The following ZNF423 variants were observed in gnomAD, a reference collection of about 807,000 sequenced individuals.
The protein encoded by ZNF423 is Ebf-associated zinc finger protein.
In ZNF423, 12 loss-of-function variants were observed where a neutral mutation model predicts 95.8. The ratio of observed to expected loss-of-function variants is 0.13; its 90% CI spans 0.08 to 0.20. The LOEUF (loss-of-function observed/expected upper bound fraction) is 0.20. ZNF423 is among the 10% of genes least tolerant of loss of function. ZNF423 has a pLI of 1.00. For synonymous variants in ZNF423, 749 were observed against 711.9 expected (o/e 1.05, Z -0.83); for missense variants, 1,316 against 1,737.1 (o/e 0.76, Z 4.31).
At chr16:49,818,043 G>A (rs989994041) in intron 1 of ZNF423, among the ~76,000 whole-genome samples, 8 of 151,916 alleles carry the variant, frequency 5.3e-5, no homozygotes, top group Non-Finnish European at 1.2e-4. Context: ...ACCACCAAAG[G>A]CCCATCCAGT....
At chr16:49,543,547 G>C (rs967092333) in intron 5 of ZNF423, among the ~76,000 whole-genome samples, 4 of 152,236 alleles carry the variant, frequency 2.6e-5, no homozygotes, top group African/African-American at 9.6e-5. Context: ...TCCAGTGCGG[G>C]CTGGGTCTTA....
At chr16:49,652,572 C>T (rs917007400) in intron 3 of ZNF423, among the ~76,000 whole-genome samples, 2 of 152,172 alleles carry the variant, frequency 1.3e-5, no homozygotes, top group Non-Finnish European at 1.5e-5. Context: ...ATCGCCTGCC[C>T]GCCTCTTCAC....
At chr16:49,681,607 G>A (rs2031359441) in intron 3 of ZNF423, among the ~76,000 whole-genome samples, 1 of 152,186 alleles carries the variant, frequency 6.6e-6, no homozygotes, top group Non-Finnish European at 1.5e-5. Context: ...ACGATATCAG[G>A]GACTTCAAAG....
chr16:49,845,407 T>G (rs1303104316), intron 1 of ZNF423, among the ~76,000 whole-genome samples: 2 of 148,322 alleles, frequency 1.3e-5, no homozygotes, highest in East Asian at 3.9e-4. Context: ...GCCCAGCAAT[T>G]TTTTTTTTTT....
chr16:49,732,284 G>C (rs2033187594), intron 2 of ZNF423, among the ~76,000 whole-genome samples: 1 of 152,164 alleles, frequency 6.6e-6, no homozygotes, highest in African/African-American at 2.4e-5. Context: ...AGACACACCA[G>C]GAACTTGTAA....
intron 2 of ZNF423, among the ~76,000 whole-genome samples, chr16:49,749,772 G>A (rs1447049411): frequency 1.5e-5 from 2 of 131,092 alleles, no homozygotes; most frequent in Non-Finnish European, 3.1e-5. Flanking sequence ...AGTTAAATGT[G>A]AACAGGCCCC....
chr16:49,846,870 G>A (rs560540697), intron 1 of ZNF423: 2 of 152,442 alleles, frequency 1.3e-5, no homozygotes, highest in East Asian at 3.9e-4. Flanking sequence ...GCAGCCTCCA[G>A]GCCAAGGAGG....
In ZNF423 at chr16:49,767,865, T is replaced by C. The variant is rs78926997; in HGVS notation, c.100+21622A>G. Among the ~76,000 whole-genome samples, 22 of 152,334 alleles carry C rather than the reference T, an allele frequency of 1.4e-4. No homozygotes were observed. In the East Asian group the frequency reaches 4.2e-3, roughly 29 times the overall value. ...GCCTTTGTATTTTATTGCTAATTAA[T>C]TTGGATGGAGATGTCTTTAAAACCA... On this transcript the variant is annotated intron_variant, in intron 2 of 7. Transcript: ENST00000563137.
At chr16:49,778,640 G>A (rs1359275096) in intron 2 of ZNF423, among the ~76,000 whole-genome samples, 1 of 152,174 alleles carries the variant, frequency 6.6e-6, no homozygotes, top group Non-Finnish European at 1.5e-5. Context: ...AAATCTGCAG[G>A]AAGGTGAAGC....
intron 5 of ZNF423, among the ~76,000 whole-genome samples, chr16:49,545,583 C>T (rs1567457468): frequency 6.6e-6 from 1 of 152,232 alleles, no homozygotes; most frequent in East Asian, 1.9e-4. Context: ...CCCCAGACTG[C>T]AGTGGTAGCT....
chr16:49,555,079 A>G (rs776778300), intron 5 of ZNF423, among the ~76,000 whole-genome samples: 1 of 152,208 alleles, frequency 6.6e-6, no homozygotes, highest in Non-Finnish European at 1.5e-5. Flanking sequence ...TCATAATTAA[A>G]TGTTAAAAAA....
upstream of ZNF423, among the ~76,000 whole-genome samples, chr16:49,858,101 T>C (rs1305971287): frequency 6.6e-6 from 1 of 151,914 alleles, no homozygotes; most frequent in Non-Finnish European, 1.5e-5. This position sits in a 1 kb window ranked among gnomAD's most constrained non-coding sequence, Gnocchi z 4.3. Context: ...GGCGCGGCGC[T>C]GGGGGTTATC....
At chr16:49,800,116 C>T (rs886804848) in intron 1 of ZNF423, among the ~76,000 whole-genome samples, 5 of 152,068 alleles carry the variant, frequency 3.3e-5, no homozygotes, top group Admixed American at 3.3e-4. Context: ...TATGGATGCA[C>T]ACTTGTAATC....
chr16:49,567,055 T>C (rs1970218086), intron 5 of ZNF423, among the ~76,000 whole-genome samples: 1 of 152,128 alleles, frequency 6.6e-6, no homozygotes, highest in Admixed American at 6.5e-5. Context: ...ATTGATGACA[T>C]CACTCGCGAA....
chr16:49,555,325 G>A (rs779510923), intron 5 of ZNF423, among the ~76,000 whole-genome samples: 6 of 152,146 alleles, frequency 3.9e-5, no homozygotes, highest in Admixed American at 2.6e-4. Flanking sequence ...GGCTGTGCAG[G>A]GTGGCATCCA....
intron 2 of ZNF423, among the ~76,000 whole-genome samples, chr16:49,754,966 C>T (rs2033698204): frequency 6.6e-6 from 1 of 152,178 alleles, no homozygotes; most frequent in African/African-American, 2.4e-5. Context: ...GGGTTTTCAG[C>T]TATTTCTTTC....
chr16:49,839,059 C>A (rs2035154526), intron 1 of ZNF423, among the ~76,000 whole-genome samples: 1 of 150,246 alleles, frequency 6.7e-6, no homozygotes, highest in Non-Finnish European at 1.5e-5. Context: ...CAGCCATCCC[C>A]CCTCTTCCCC....
intron 3 of ZNF423, among the ~76,000 whole-genome samples, chr16:49,723,083 G>A (rs1270724335): frequency 6.6e-6 from 1 of 151,450 alleles, no homozygotes; most frequent in Non-Finnish European, 1.5e-5. Flanking sequence ...AGCCTCCCGA[G>A]TAGCTGGGAC....
chr16:49,857,744 T>G (rs1283040514), upstream of ZNF423: 13 of 152,388 alleles, frequency 8.5e-5, no homozygotes, highest in Admixed American at 8.5e-4. This position sits in a 1 kb window ranked among gnomAD's most constrained non-coding sequence, Gnocchi z 6.2. Context: ...ACCTTACCCC[T>G]GAGACCTTGC....
Sources: gnomAD v4.1 joint callset for allele counts (sites outside exome capture counted in the v4.1 genomes callset) on GRCh38, gnomAD v4.1.1 for gene constraint, Gnocchi (gnomAD v3.1) non-coding constraint, MANE v1.5 for transcripts, NCBI Gene and HGNC (gene_info 2026-07-23, HGNC 2026-07-21) for gene names.